Variants in AFF2 observed in about 807,000 individuals in gnomAD.
The protein encoded by AFF2 is AF4/FMR2 family member 2.
Under a neutral mutation model 76.9 loss-of-function variants are expected in AFF2, and 14 were observed. That is an observed-to-expected ratio of 0.18 (90% CI 0.12 to 0.28). The LOEUF (loss-of-function observed/expected upper bound fraction) is 0.28, where lower values mean the gene tolerates loss of function less well. Ranked by LOEUF, AFF2 falls within the 10% of genes least tolerant of loss-of-function variation. AFF2 has a pLI of 1.00. For synonymous variants in AFF2, 398 were observed against 366.7 expected (o/e 1.09, Z -0.98); for missense variants, 868 against 1,001.1 (o/e 0.87, Z 1.79).
chrX:148,620,605 A>G (rs73638169), intron 1 of AFF2, among the ~76,000 whole-genome samples: 3,626 of 110,264 alleles, frequency 0.033, 172 homozygotes, highest in African/African-American at 0.11. Context: ...AGACATTCTC[A>G]TCAGAAGACC....
At chrX:148,506,929 G>C (rs1247581710) in intron 1 of AFF2, among the ~76,000 whole-genome samples, 5 of 112,108 alleles carry the variant, frequency 4.5e-5, no homozygotes, top group African/African-American at 1.6e-4. Flanking sequence ...ATATGTGTTT[G>C]TTGCTCTTTT....
chrX:148,720,980 A>G (rs1176300528), intron 3 of AFF2, among the ~76,000 whole-genome samples: 1 of 111,838 alleles, frequency 8.9e-6, no homozygotes, highest in Non-Finnish European at 1.9e-5. Context: ...AGATATAGAT[A>G]TTACCTGAAC....
intron 9 of AFF2, among the ~76,000 whole-genome samples, chrX:148,933,671 C>T (rs183513722): frequency 3.6e-5 from 4 of 111,772 alleles, no homozygotes; most frequent in African/African-American, 1.3e-4. Flanking sequence ...AGAAACAATT[C>T]CATGAGTTTC....
At chrX:148,933,947 A>G (rs782586701) in intron 9 of AFF2, among the ~76,000 whole-genome samples, 1 of 111,817 alleles carries the variant, frequency 8.9e-6, no homozygotes, top group South Asian at 3.8e-4. Context: ...ATTGACTTTC[A>G]TAAGTCCAGG....
At chrX:148,985,074 T>C (rs782714404) in intron 19 of AFF2, among the ~76,000 whole-genome samples, 2 of 110,188 alleles carry the variant, frequency 1.8e-5, no homozygotes, top group Admixed American at 9.7e-5. Flanking sequence ...AACCTCTGCC[T>C]TCTCAGATCA....
intron 1 of AFF2, among the ~76,000 whole-genome samples, chrX:148,628,102 A>G (rs1557252364): frequency 9.0e-6 from 1 of 111,441 alleles, no homozygotes; most frequent in South Asian, 3.7e-4. Context: ...AGCAGAATTC[A>G]GAGCTGGTGA....
chrX:148,732,641 G>T lies in AFF2; in HGVS notation c.1041+69873G>T, dbSNP rs192299053. Among the ~76,000 whole-genome samples, 887 of 107,278 alleles carry T rather than the reference G, an allele frequency of 8.3e-3. 9 individuals are homozygous for T. The highest frequency in any genetic ancestry group is 0.026 in the African/African-American group (776 of 29,479). The allele number at this position is 107,278 out of a possible 115,157, so 93.2% of individuals were successfully genotyped here. On this transcript the variant is annotated intron_variant, in intron 3 of 20. Coordinates refer to ENST00000370460, the MANE Select transcript of AFF2 (RefSeq NM_002025.4). ...AAAAAAAAAACTACTGTGATTTTGG[G>T]GTAAGTCACTTCAGTATTCTGATCT... is the stretch of plus-strand genomic sequence containing the variant.
At chrX:148,730,082 C>T (rs1386641072) in intron 3 of AFF2, among the ~76,000 whole-genome samples, 1 of 112,122 alleles carries the variant, frequency 8.9e-6, no homozygotes, top group Non-Finnish European at 1.9e-5. Flanking sequence ...AAAGTCAACA[C>T]ACCCAAATAC....
intron 4 of AFF2, among the ~76,000 whole-genome samples, chrX:148,811,908 G>C (rs2070207265): frequency 9.0e-6 from 1 of 111,200 alleles, no homozygotes; most frequent in Admixed American, 9.5e-5. Context: ...AGTAACAAAA[G>C]TCCTTCTGTT....
At chrX:148,627,258 C>A (rs1018767325) in intron 1 of AFF2, among the ~76,000 whole-genome samples, 63 of 111,861 alleles carry the variant, frequency 5.6e-4, no homozygotes, top group African/African-American at 1.9e-3. Flanking sequence ...GAAGCAAATT[C>A]CAGGCAGGAT....
rs1400825944 is a variant in AFF2, at chrX:148,616,006, C to G, written c.48-35993C>G. 3.6e-5 allele frequency among the ~76,000 whole-genome samples: 4 copies of G among 111,836 alleles called. No individual in the cohort carries two copies. In the Admixed American group the frequency reaches 3.8e-4, roughly 11 times the overall value. ...AAAGTTTTCATTTTTATCCAGATGTCTGACATCATAGAAAATCAGTCTAAG... is the reference window on the plus strand; with the variant it reads ...AAAGTTTTCATTTTTATCCAGATGTGTGACATCATAGAAAATCAGTCTAAG... On this transcript the variant is annotated intron_variant, in intron 1 of 20. Transcript: ENST00000370460.
chrX:148,793,968 T>C (rs1033599913), intron 3 of AFF2, among the ~76,000 whole-genome samples: 5 of 112,352 alleles, frequency 4.5e-5, no homozygotes, highest in African/African-American at 1.3e-4. Flanking sequence ...ATGTGAATGA[T>C]GGCACATTTA....
chrX:148,707,114 G>C (rs1041595350), intron 3 of AFF2, among the ~76,000 whole-genome samples: 2 of 111,903 alleles, frequency 1.8e-5, no homozygotes, highest in African/African-American at 3.2e-5. Flanking sequence ...CATAACAATA[G>C]CTCTGATTTG....
chrX:148,656,660 C>T (rs1227717896), intron 2 of AFF2, among the ~76,000 whole-genome samples: 1 of 105,872 alleles, frequency 9.4e-6, no homozygotes, highest in African/African-American at 3.5e-5. Context: ...CCACTACGCC[C>T]GGCTAATTTT....
chrX:148,693,127 C>T (rs369940411), intron 3 of AFF2, among the ~76,000 whole-genome samples: 24 of 110,842 alleles, frequency 2.2e-4, no homozygotes, highest in African/African-American at 7.9e-4. Flanking sequence ...CCGTATTAGC[C>T]AGGATGGTCT....
chrX:148,937,489 G>A (rs782621663), intron 9 of AFF2, among the ~76,000 whole-genome samples: 1 of 112,492 alleles, frequency 8.9e-6, no homozygotes, highest in Non-Finnish European at 1.9e-5. Flanking sequence ...TGAAGGAAGA[G>A]TGCAAAATAT....
At chrX:148,703,973 T>G (rs1374933993) in intron 3 of AFF2, among the ~76,000 whole-genome samples, 4 of 108,211 alleles carry the variant, frequency 3.7e-5, no homozygotes, top group Non-Finnish European at 7.6e-5. Context: ...CAGTGCAGCC[T>G]TGACGTGGAC....
intron 1 of AFF2, among the ~76,000 whole-genome samples, chrX:148,585,197 A>G (rs2053454770): frequency 9.0e-6 from 1 of 111,386 alleles, no homozygotes; most frequent in Non-Finnish European, 1.9e-5. Context: ...GAAAGGAACC[A>G]GGGATCTACT....
At chrX:148,631,180 T>C (rs1557253006) in intron 1 of AFF2, among the ~76,000 whole-genome samples, 1 of 111,980 alleles carries the variant, frequency 8.9e-6, no homozygotes, top group African/African-American at 3.3e-5. Context: ...AAGATTATAC[T>C]TGTCTAAAGA....
Sources: gnomAD v4.1 joint callset for allele counts (sites outside exome capture counted in the v4.1 genomes callset) on GRCh38, gnomAD v4.1.1 for gene constraint, MANE v1.5 for transcripts, NCBI Gene and HGNC (gene_info 2026-07-23, HGNC 2026-07-21) for gene names.